NAV3: variants seen among roughly 807,000 people sequenced by gnomAD.
NAV3 encodes the protein neuron navigator 3.
Under a neutral mutation model 244.7 loss-of-function variants are expected in NAV3, and 87 were observed. The observed-to-expected ratio is 0.36, with a 90% CI of 0.30 to 0.42. The LOEUF (loss-of-function observed/expected upper bound fraction) is 0.42. NAV3 is among the 20% of genes least tolerant of loss of function. The pLI is 1.00. For synonymous variants in NAV3, 1,126 were observed against 1,042.2 expected (o/e 1.08, Z -1.55); for missense variants, 2,663 against 2,893.3 (o/e 0.92, Z 1.83).
intron 19 of NAV3, among the ~76,000 whole-genome samples, chr12:78,139,560 C>T (rs978444765): frequency 6.6e-6 from 1 of 151,980 alleles, no homozygotes; most frequent in African/African-American, 2.4e-5. Flanking sequence ...AGAGGATGAA[C>T]TTTTCTGCAA....
chr12:77,799,151 G>T (rs1457355965), intron 2 of NAV3, among the ~76,000 whole-genome samples: 1 of 152,180 alleles, frequency 6.6e-6, no homozygotes, highest in Non-Finnish European at 1.5e-5. Context: ...CACCATGAAG[G>T]TATCTTTGTA....
chr12:77,971,576 TA>T (rs1241701956), intron 5 of NAV3, among the ~76,000 whole-genome samples: 1 of 152,130 alleles, frequency 6.6e-6, no homozygotes, highest in Non-Finnish European at 1.5e-5. Flanking sequence ...GCCACAATGA[TA>T]ATATACATAG....
intron 1 of NAV3, among the ~76,000 whole-genome samples, chr12:77,873,761 T>C (rs1881414389): frequency 8.7e-6 from 1 of 115,410 alleles, no homozygotes; most frequent in African/African-American, 2.9e-5. Context: ...TATATATATA[T>C]ATATATGTAT....
At chr12:77,834,366 A>G (rs1401716986) in intron 1 of NAV3, among the ~76,000 whole-genome samples, 1 of 152,226 alleles carries the variant, frequency 6.6e-6, no homozygotes, top group African/African-American at 2.4e-5. Flanking sequence ...AATATTTTTT[A>G]TGGGTTTATA....
intron 1 of NAV3, among the ~76,000 whole-genome samples, chr12:77,853,575 T>C (rs556579673): frequency 1.3e-5 from 2 of 152,294 alleles, no homozygotes; most frequent in South Asian, 4.1e-4. Context: ...CTATTTGAGA[T>C]GAAAATTGAA....
chr12:77,598,866 A>G (rs1870292534), intron 2 of NAV3, among the ~76,000 whole-genome samples: 1 of 152,028 alleles, frequency 6.6e-6, no homozygotes, highest in African/African-American at 2.4e-5. Context: ...AACATAAGAT[A>G]TACCTTCTTA....
At chr12:77,979,224 CAAA>C (rs11297628) in intron 5 of NAV3, among the ~76,000 whole-genome samples, 24 of 126,014 alleles carry the variant, frequency 1.9e-4, no homozygotes, top group African/African-American at 4.5e-4. Flanking sequence ...AAATACAATA[CAAA>C]AAAAAAAAAA....
chr12:78,076,689 T>TA (rs34018907), intron 12 of NAV3, among the ~76,000 whole-genome samples: 2 of 152,028 alleles, frequency 1.3e-5, no homozygotes, highest in African/African-American at 4.8e-5. Context: ...GAGAGCTTTT[T>TA]AAAAAAAACA....
intron 7 of NAV3, among the ~76,000 whole-genome samples, chr12:78,002,660 G>C (rs1398603315): frequency 6.6e-6 from 1 of 151,990 alleles, no homozygotes; most frequent in African/African-American, 2.4e-5. Flanking sequence ...TTTCAAGCCA[G>C]TGCAAATGTG....
chr12:77,650,076 A>G (rs1257926546), intron 2 of NAV3, among the ~76,000 whole-genome samples: 2 of 152,048 alleles, frequency 1.3e-5, no homozygotes, highest in South Asian at 2.1e-4. Context: ...CATACCTTCT[A>G]TTGCTCCCTC....
chr12:78,141,816 G>A (rs1010082303), intron 20 of NAV3, among the ~76,000 whole-genome samples: 1 of 151,946 alleles, frequency 6.6e-6, no homozygotes, highest in Non-Finnish European at 1.5e-5. Flanking sequence ...CCTCCTGTTG[G>A]GCCAGCACTG....
chr12:78,166,223 A>G (rs1957776345), intron 23 of NAV3, among the ~76,000 whole-genome samples: 1 of 152,020 alleles, frequency 6.6e-6, no homozygotes, highest in East Asian at 1.9e-4. Context: ...ATGGCTTTTA[A>G]CAGTGAGGAA....
At chr12:78,046,585 G>A (rs12309201) in intron 9 of NAV3, among the ~76,000 whole-genome samples, 5,095 of 152,256 alleles carry the variant, frequency 0.033, 292 homozygotes, top group African/African-American at 0.11. Flanking sequence ...ATTGCACTCT[G>A]GTCTGAGAGA....
At chr12:77,729,616 G>C (rs542096082) in intron 2 of NAV3, among the ~76,000 whole-genome samples, 1 of 151,844 alleles carries the variant, frequency 6.6e-6, no homozygotes, top group Non-Finnish European at 1.5e-5. Flanking sequence ...AATAAACAAC[G>C]TTTTACCTCT....
intron 23 of NAV3, among the ~76,000 whole-genome samples, chr12:78,161,078 C>T (rs995666541): frequency 2.0e-5 from 3 of 152,036 alleles, no homozygotes; most frequent in Non-Finnish European, 4.4e-5. Flanking sequence ...AGAATAAAAA[C>T]ACTGGGCCCC....
chr12:78,153,114 C>T (rs1006767412), intron 22 of NAV3, among the ~76,000 whole-genome samples: 3 of 151,938 alleles, frequency 2.0e-5, no homozygotes, highest in African/African-American at 7.2e-5. Context: ...TTAAACTTGG[C>T]ATAATTACAT....
intron 5 of NAV3, among the ~76,000 whole-genome samples, 156 bp downstream of exon 5, chr12:77,968,858 CTT>C (rs1892746218): frequency 6.6e-6 from 1 of 152,162 alleles, no homozygotes; most frequent in African/African-American, 2.4e-5. Flanking sequence ...TAAAACCACT[CTT>C]GTTTTGCTTG....
intron 12 of NAV3, among the ~76,000 whole-genome samples, chr12:78,099,790 T>C (rs1954447246): frequency 6.6e-6 from 1 of 151,912 alleles, no homozygotes; most frequent in Non-Finnish European, 1.5e-5. Flanking sequence ...CTTTGTGATT[T>C]CAGCCCATTT....
intron 18 of NAV3, among the ~76,000 whole-genome samples, chr12:78,132,966 A>G (rs376128494): frequency 1.3e-5 from 2 of 152,192 alleles, no homozygotes; most frequent in South Asian, 4.1e-4. Flanking sequence ...CATTTTCAAT[A>G]GACAGGAACC....
Sources: gnomAD v4.1 joint callset for allele counts (sites outside exome capture counted in the v4.1 genomes callset) on GRCh38, gnomAD v4.1.1 for gene constraint, MANE v1.5 for transcripts, NCBI Gene and HGNC (gene_info 2026-07-23, HGNC 2026-07-21) for gene names.